Variants in MAP3K15 observed in about 807,000 individuals in gnomAD.
MAP3K15 encodes MAPK/ERK kinase kinase 15.
Under a neutral mutation model 99.5 loss-of-function variants are expected in MAP3K15, and 124 were observed. The ratio of observed to expected loss-of-function variants is 1.25; its 90% CI spans 1.08 to 1.45. MAP3K15 has a LOEUF of 1.45. MAP3K15 is among the 40% of genes most tolerant of loss of function. MAP3K15 has a pLI of 0.00. For missense variants in MAP3K15, 1,242 were observed against 1,079.7 expected (o/e 1.15, Z -2.11); for synonymous variants, 494 against 439.6 (o/e 1.12, Z -1.55).
chrX:19,444,549 A>G (rs1048074734), intron 6 of MAP3K15, among the ~76,000 whole-genome samples: 1 of 112,024 alleles, frequency 8.9e-6, no homozygotes, highest in African/African-American at 3.2e-5. Flanking sequence ...GAAATATCTC[A>G]AGGAAAAATC....
rs141009938 is a variant in MAP3K15, at chrX:19,398,414, C to A, written c.1933-55G>T. The A allele has an allele frequency of 3.1e-3, 3,572 of 1,151,382 alleles. 56 individuals carry two copies. The African/African-American group carries it at 0.049, about 16-fold the overall frequency. 94.9% of individuals were successfully genotyped at this position (1,151,382 alleles called of 1,213,427 possible). On this transcript the variant is annotated intron_variant, in intron 14 of 28. Transcript: ENST00000338883. The stretch of plus-strand genomic sequence containing the variant: ...AGCATACAACTTGTAGCGGAGAAGC[C>A]CTCTAAGGCCCCCAGAGTTGTCTAG...
At chrX:19,498,760 G>A (rs780199858) in intron 1 of MAP3K15, among the ~76,000 whole-genome samples, 150 of 111,983 alleles carry the variant, frequency 1.3e-3, no homozygotes, top group African/African-American at 4.5e-3. Context: ...CATCAGGCTC[G>A]GTTTGTCAAG....
chrX:19,413,343 T>C lies in MAP3K15; in HGVS notation c.1698+14A>G, dbSNP rs2063704577. On this transcript the variant is annotated intron_variant, in intron 11 of 28. Coordinates refer to ENST00000338883, the MANE Select transcript of MAP3K15 (RefSeq NM_001001671.4). ...TGAAAACTGATTAAATTGCTTGTGA[T>C]TTTTCCTCCTTACCATTTCTGTGGG... 3 of 1,159,311 alleles carry C rather than the reference T, an allele frequency of 2.6e-6. No individual in the cohort carries two copies. Among genetic ancestry groups the C allele is most frequent in the Non-Finnish European group, 3.5e-6 (3 of 854,479 alleles).
Position 19,360,763 on chromosome X carries a change from T to C in MAP3K15, c.3928A>G (p.Lys1310Glu). The change falls in exon 29 of 29, where the codon AAA becomes GAA. Residue 1310 changes from lysine to glutamate, a missense_variant. By Grantham distance (56) the Lys-to-Glu change is moderately conservative (BLOSUM62 1). Coordinates refer to ENST00000338883, the MANE Select transcript of MAP3K15 (RefSeq NM_001001671.4). ...YRRAQEASET[K>E]DKA ...GCTGATTGGTATCAAGCCTTGTCTT[T>C]GGTTTCTGAGGCCTCCTGAGCCCTT... 8.3e-7 allele frequency: 1 copy of C among 1,208,508 alleles called. No individual in the cohort carries two copies. The highest frequency in any genetic ancestry group is 1.8e-5 in the South Asian group (1 of 56,672).
chrX:19,513,331 C>T (rs147019807), intron 1 of MAP3K15, among the ~76,000 whole-genome samples: 3 of 112,182 alleles, frequency 2.7e-5, no homozygotes, highest in Non-Finnish European at 5.6e-5. Flanking sequence ...AGTGTTGTGC[C>T]TCATGGCAAA....
At chrX:19,472,908 G>T (rs749306793) in intron 3 of MAP3K15, among the ~76,000 whole-genome samples, 3 of 111,803 alleles carry the variant, frequency 2.7e-5, no homozygotes, top group African/African-American at 9.7e-5. Context: ...AAATAATGAG[G>T]TGTGAAAAAC....
chrX:19,470,647 A>G (rs1238667932), intron 3 of MAP3K15, among the ~76,000 whole-genome samples: 1 of 111,750 alleles, frequency 8.9e-6, no homozygotes, highest in Non-Finnish European at 1.9e-5. Context: ...TAAACAACAA[A>G]AACAACATGC....
At chrX:19,374,362 G>A (rs1233121986) in intron 20 of MAP3K15, 115 bp downstream of exon 20, 45 of 697,948 alleles carry the variant, frequency 6.4e-5, no homozygotes, top group Non-Finnish European at 8.7e-5. Context: ...TGGGAATGAC[G>A]TGAGCAGCCC....
At chrX:19,470,754 A>G (rs992455364) in intron 3 of MAP3K15, among the ~76,000 whole-genome samples, 1 of 112,107 alleles carries the variant, frequency 8.9e-6, no homozygotes, top group Admixed American at 9.5e-5. Context: ...ACATGCAAAT[A>G]CAGGACAGTG....
intron 6 of MAP3K15, among the ~76,000 whole-genome samples, chrX:19,448,557 C>A (rs1424981611): frequency 9.3e-6 from 1 of 107,118 alleles, no homozygotes; most frequent in Non-Finnish European, 1.9e-5. Context: ...GGAGGAAGGT[C>A]CCCCCCTGTC....
intron 6 of MAP3K15, among the ~76,000 whole-genome samples, chrX:19,435,250 CTT>C (rs2063913346): frequency 1.1e-5 from 1 of 88,262 alleles, no homozygotes; most frequent in African/African-American, 4.3e-5. Context: ...TTTTTTTTCT[CTT>C]TGAGACAGGG....
intron 3 of MAP3K15, among the ~76,000 whole-genome samples, chrX:19,477,169 T>C (rs1311515551): frequency 9.0e-6 from 1 of 111,540 alleles, no homozygotes; most frequent in Admixed American, 9.5e-5. Flanking sequence ...AGTTGGCAGG[T>C]AGAATTAAAT....
chrX:19,411,378 G>A (rs755419416), intron 11 of MAP3K15, among the ~76,000 whole-genome samples: 3 of 111,945 alleles, frequency 2.7e-5, no homozygotes, highest in Admixed American at 9.5e-5. Flanking sequence ...GATGGTTTCC[G>A]ATGGGAGAAG....
chrX:19,431,168 G>T (rs1023768636), intron 7 of MAP3K15, among the ~76,000 whole-genome samples: 1 of 111,703 alleles, frequency 9.0e-6, no homozygotes, highest in African/African-American at 3.3e-5. Context: ...CAAGGCTCTG[G>T]AAGTGGGAGC....
intron 1 of MAP3K15, among the ~76,000 whole-genome samples, chrX:19,507,547 C>T (rs772021038): frequency 2.4e-5 from 2 of 84,308 alleles, no homozygotes; most frequent in Non-Finnish European, 4.3e-5. Flanking sequence ...TACTGCACTC[C>T]AGCCTGGGTG....
intron 3 of MAP3K15, among the ~76,000 whole-genome samples, chrX:19,469,553 A>T (rs1487041011): frequency 2.7e-5 from 3 of 110,579 alleles, no homozygotes; most frequent in Non-Finnish European, 5.7e-5. Flanking sequence ...GACAAATGGG[A>T]TCTAATTAAA....
intron 1 of MAP3K15, among the ~76,000 whole-genome samples, chrX:19,505,483 C>T (rs991398320): frequency 1.1e-4 from 12 of 111,864 alleles, no homozygotes; most frequent in Admixed American, 8.6e-4. Flanking sequence ...CAGCTGTCCT[C>T]CAAACAGTAA....
At chrX:19,514,275 C>T in intron 1 of MAP3K15, among the ~76,000 whole-genome samples, 1 of 107,237 alleles carries the variant, frequency 9.3e-6, no homozygotes, top group Non-Finnish European at 1.9e-5. Flanking sequence ...TAATATGTAG[C>T]CTGCGTTGGG....
Position 19,392,511 on chromosome X carries a change from A to G in MAP3K15, c.2195-38T>C, listed in dbSNP as rs906610590. ...ACAGCAAAAAACTTATCAGGAAGAG[A>G]AAGTTTCAATAAAAGTTCAGGGAAA... On this transcript the variant is annotated intron_variant, in intron 16 of 28. Coordinates refer to ENST00000338883, the MANE Select transcript of MAP3K15 (RefSeq NM_001001671.4). 5.9e-6 allele frequency: 7 copies of G among 1,184,889 alleles called. No homozygotes were observed. The African/African-American group carries it at 1.1e-4, about 18-fold the overall frequency.
Sources: allele counts gnomAD v4.1 joint callset (sites outside exome capture counted in the v4.1 genomes callset), GRCh38; gene constraint gnomAD v4.1.1; transcripts MANE v1.5; gene names NCBI Gene and HGNC (gene_info 2026-07-23, HGNC 2026-07-21).